Variants in PDE6A observed in about 807,000 individuals in gnomAD.
The protein encoded by PDE6A is rod cGMP-specific 3',5'-cyclic phosphodiesterase subunit alpha.
A neutral mutation model predicts 106.3 loss-of-function variants in PDE6A; 84 were observed. That is an observed-to-expected ratio of 0.79 (90% CI 0.66 to 0.95). PDE6A has a LOEUF of 0.95. Ranked by LOEUF, PDE6A falls within the 40% of genes least tolerant of loss-of-function variation. The pLI, the probability that PDE6A is intolerant of heterozygous loss-of-function variation, is 0.00. For synonymous variants in PDE6A, 394 were observed against 386.6 expected, an observed-to-expected ratio of 1.02 and a Z score of -0.23; for missense variants, 1,052 against 1,084.9, an observed-to-expected ratio of 0.97 and a Z score of 0.43.
At chr5:149,940,061 G>A (rs1754287647) in intron 1 of PDE6A, 1 of 151,966 alleles carries the variant, frequency 6.6e-6, no homozygotes. Context: ...AGTAGGAGTG[G>A]AGGGGGAACA....
rs1367787794 is a variant in PDE6A at position 149,859,425 on chromosome 5, A to C, written c.*1470T>G. 7 of 152,232 alleles carry C rather than the reference A, an allele frequency of 4.6e-5. No individual in the cohort carries two copies. The allele number at this position is 152,232 out of a possible 1,614,324, so 9.4% of individuals were successfully genotyped here. On this transcript the variant is annotated 3_prime_UTR_variant, in exon 22 of 22. Coordinates refer to ENST00000255266, the MANE Select transcript of PDE6A (RefSeq NM_000440.3). The stretch of plus-strand genomic sequence containing the variant: ...AGAAAGCAGACTCTAAAATGGACTT[A>C]GTCTGCAGGATGCTTATTAAGCAGT...
intron 17 of PDE6A, among the ~76,000 whole-genome samples, chr5:149,882,919 G>A (rs1319666800): frequency 2.0e-5 from 3 of 152,266 alleles, no homozygotes; most frequent in East Asian, 1.9e-4. Flanking sequence ...TTAGCTGGGC[G>A]TGGTGGTGGG....
At chr5:149,926,424 T>C (rs1753864864) in intron 4 of PDE6A, among the ~76,000 whole-genome samples, 1 of 152,044 alleles carries the variant, frequency 6.6e-6, no homozygotes, top group Admixed American at 6.6e-5. Flanking sequence ...GCTGGGCCAA[T>C]TGGATGCTTG....
At chr5:149,875,643 C>G (rs1199972788) in intron 17 of PDE6A, among the ~76,000 whole-genome samples, 1 of 151,940 alleles carries the variant, frequency 6.6e-6, no homozygotes, top group East Asian at 1.9e-4. Context: ...GTGCGTGCCA[C>G]CACACCCAGG....
In PDE6A at chr5:149,915,865, A is replaced by AATTTTACCC. The variant is rs550660087; in HGVS notation, c.934-859_934-858insGGGTAAAAT. On this transcript the variant is annotated intron_variant, in intron 5 of 21. Transcript: ENST00000255266. ...GATAGTTGCTGAAACAACCTGCTGC[A>AATTTTACCC]ACTCTAGGACTAATTTTACCCACTG... 3.0e-3 allele frequency among the ~76,000 whole-genome samples: 455 copies of AATTTTACCC among 152,326 alleles called. 3 individuals carry two copies. Among genetic ancestry groups the AATTTTACCC allele is most frequent in the African/African-American group, 0.01 (434 of 41,572 alleles).
At position 149,934,026 on chromosome 5, in the gene PDE6A, A is replaced by G. The variant is rs1176511805; in HGVS notation, c.628-7T>C. 6.5e-7 allele frequency: 1 copy of G among 1,538,298 alleles called. No homozygotes were observed. ...TGAGGTACTTGAGAAGAATCTAAAA[A>G]TCAAACAGCATGAGGGGAGGCAGGT... On this transcript the variant is annotated splice_region_variant and splice_polypyrimidine_tract_variant and intron_variant, in intron 2 of 21. Coordinates refer to ENST00000255266, the MANE Select transcript of PDE6A (RefSeq NM_000440.3).
chr5:149,919,570 C>G (rs1306810152), intron 5 of PDE6A, among the ~76,000 whole-genome samples: 8 of 152,128 alleles, frequency 5.3e-5, no homozygotes, highest in Non-Finnish European at 1.5e-5. Flanking sequence ...GTTTTTCTTT[C>G]CCAGAATTAA....
chr5:149,920,362 C>T (rs1469088455), intron 5 of PDE6A, among the ~76,000 whole-genome samples: 2 of 152,104 alleles, frequency 1.3e-5, no homozygotes, highest in African/African-American at 2.4e-5. Flanking sequence ...GGGCGGATCA[C>T]CTGAGGTCAG....
chr5:149,900,375 G>GTGTATATATATATATATATATA (rs371287292), intron 8 of PDE6A, among the ~76,000 whole-genome samples: 8 of 82,646 alleles, frequency 9.7e-5, no homozygotes, highest in African/African-American at 2.3e-4. Flanking sequence ...AAATATATAT[G>GTGTATATATATATATATATATA]TATATATATA....
chr5:149,867,843 C>T (rs373679810), intron 18 of PDE6A, 44 bp from the exon 19 acceptor site: 3 of 1,569,070 alleles, frequency 1.9e-6, no homozygotes, highest in African/African-American at 1.3e-5. Context: ...AGAGCCCCAG[C>T]CCAATCCCCT....
In PDE6A at chr5:149,903,584, T is replaced by A. The variant is rs1753066255; in HGVS notation, c.1113+64A>T. 27 of 1,247,714 alleles carry A rather than the reference T, an allele frequency of 2.2e-5. No individual in the cohort carries two copies. The South Asian group carries it at 2.7e-4, about 13-fold the overall frequency. 77.3% of individuals were successfully genotyped at this position (1,247,714 alleles called of 1,614,324 possible). A position where few individuals can be genotyped will look rare whatever the true frequency, so the allele number is the denominator to read the frequency against. ...GCAGAGTGGGTGGATTCTAATGTAT[T>A]CTAATGCTCTTTGGGGAGGAAAAAA... On this transcript the variant is annotated intron_variant, in intron 8 of 21. Transcript: ENST00000255266.
chr5:149,943,997 C>G (rs1754397355), intron 1 of PDE6A, among the ~76,000 whole-genome samples: 1 of 151,898 alleles, frequency 6.6e-6, no homozygotes, highest in Non-Finnish European at 1.5e-5. Flanking sequence ...ACATACAGTT[C>G]TCTGTATTAT....
rs572582444 is a variant in PDE6A, at chr5:149,912,552, G to A, written c.998+2391C>T. ...TCACCTCCAGATGGAGATTTTAAGA[G>A]CCAGTGTGTATTTTTCCTCTCTTCT... On this transcript the variant is annotated intron_variant, in intron 6 of 21. Coordinates refer to ENST00000255266, the MANE Select transcript of PDE6A (RefSeq NM_000440.3). Among the ~76,000 whole-genome samples the A allele has an allele frequency of 3.9e-5, 6 of 152,234 alleles. No individual in the cohort carries two copies. In the South Asian group the frequency reaches 1.2e-3, roughly 32 times the overall value.
At chr5:149,903,594 T>C (rs1269759100) in intron 8 of PDE6A, 54 bp downstream of exon 8, 1 of 1,384,028 alleles carries the variant, frequency 7.2e-7, no homozygotes, top group African/African-American at 1.4e-5. Context: ...TCTAATGCTC[T>C]TTGGGGAGGA....
At chr5:149,880,751 T>C (rs574764965) in intron 17 of PDE6A, among the ~76,000 whole-genome samples, 1 of 151,672 alleles carries the variant, frequency 6.6e-6, no homozygotes, top group South Asian at 2.1e-4. Context: ...ATAACCAAAA[T>C]GAGATACTGT....
chr5:149,880,966 G>A (rs1760899581), intron 17 of PDE6A, among the ~76,000 whole-genome samples: 1 of 152,118 alleles, frequency 6.6e-6, no homozygotes, highest in Non-Finnish European at 1.5e-5. Context: ...TGGAGGCTGA[G>A]GCACGAGAAT....
chr5:149,895,079 A>G (rs1256129847), intron 13 of PDE6A, 104 bp downstream of exon 13: 1 of 772,364 alleles, frequency 1.3e-6, no homozygotes, highest in Non-Finnish European at 2.4e-6. Context: ...AAAAGACAAT[A>G]AATAAAGAAA....
chr5:149,928,291 T>A, intron 4 of PDE6A, among the ~76,000 whole-genome samples: 1 of 133,964 alleles, frequency 7.5e-6, no homozygotes, highest in South Asian at 2.5e-4. Flanking sequence ...TGGAGTGCAG[T>A]GAGTGGCACA....
chr5:149,932,741 C>T (rs1417829593), intron 3 of PDE6A: 10 of 1,237,474 alleles, frequency 8.1e-6, no homozygotes, highest in Non-Finnish European at 1.2e-5. Flanking sequence ...CTGTTTGGCA[C>T]TGTCGGCTTC....
Sources: allele counts gnomAD v4.1 joint callset (sites outside exome capture counted in the v4.1 genomes callset), GRCh38; gene constraint gnomAD v4.1.1; transcripts MANE v1.5; gene names NCBI Gene and HGNC (gene_info 2026-07-23, HGNC 2026-07-21).